CCDC171: variants seen among roughly 807,000 people sequenced by gnomAD.
CCDC171 encodes coiled-coil domain containing 171.
A neutral mutation model predicts 168.2 loss-of-function variants in CCDC171; 177 were observed. The observed-to-expected ratio is 1.05, with a 90% CI of 0.93 to 1.19. The LOEUF is 1.19. Ranked by LOEUF, CCDC171 falls within the 50% of genes most tolerant of loss-of-function variation. The probability of loss-of-function intolerance (pLI) is 0.00; values close to 1 mark genes in which losing one functional copy is unlikely to be tolerated. For missense variants in CCDC171, 1,991 were observed against 1,539.0 expected, an observed-to-expected ratio of 1.29 and a Z score of -4.91; for synonymous variants, 687 against 540.8, an observed-to-expected ratio of 1.27 and a Z score of -3.75.
At chr9:15,629,810 C>T (rs977514133) in intron 7 of CCDC171, among the ~76,000 whole-genome samples, 5 of 152,210 alleles carry the variant, frequency 3.3e-5, no homozygotes, top group African/African-American at 1.2e-4. Flanking sequence ...GGAAGCCCAT[C>T]AGACTAACAG....
chr9:15,866,255 T>C (rs1471603308), intron 23 of CCDC171, among the ~76,000 whole-genome samples: 1 of 151,878 alleles, frequency 6.6e-6, no homozygotes, highest in Non-Finnish European at 1.5e-5. Context: ...ATTTGAGCTC[T>C]AGAGAGCACA....
intron 3 of CCDC171, among the ~76,000 whole-genome samples, chr9:15,999,317 GAAA>G (rs1398386376): frequency 1.4e-5 from 2 of 144,820 alleles, no homozygotes; most frequent in Non-Finnish European, 1.5e-5. Context: ...GAAAAAGAAA[GAAA>G]AGAAAAGAAG....
chr9:15,929,736 G>A (rs1826286805), intron 25 of CCDC171, among the ~76,000 whole-genome samples: 2 of 151,582 alleles, frequency 1.3e-5, no homozygotes, highest in South Asian at 4.2e-4. Flanking sequence ...TGCCTTATTA[G>A]TGCCAGAGTT....
intron 25 of CCDC171, among the ~76,000 whole-genome samples, chr9:15,937,360 A>G (rs1827228484): frequency 1.3e-5 from 2 of 152,106 alleles, no homozygotes; most frequent in African/African-American, 4.8e-5. Flanking sequence ...TAATATAAGT[A>G]AATTTTTTCA....
rs183990981 is a variant in CCDC171, at chr9:15,821,410, G to T, written c.3268-25292G>T. 4.3e-5 allele frequency among the ~76,000 whole-genome samples: 5 copies of T among 117,558 alleles called. 2 individuals carry two copies. Among genetic ancestry groups the T allele is most frequent in the African/African-American group, 1.6e-4 (5 of 31,280 alleles). 77.1% of individuals were successfully genotyped at this position (117,558 alleles called of 152,430 possible). A position where few individuals can be genotyped will look rare whatever the true frequency, so the allele number is the denominator to read the frequency against. On this transcript the variant is annotated intron_variant, in intron 21 of 25. Coordinates refer to ENST00000380701, the MANE Select transcript of CCDC171 (RefSeq NM_173550.4). ...GGACGTCAAATTGTCCCTGTTTGCA[G>T]ATCACATGATTGTATATCTAGAAAA...
intron 16 of CCDC171, among the ~76,000 whole-genome samples, chr9:15,732,509 G>T (rs1014527800): frequency 6.6e-6 from 1 of 152,126 alleles, no homozygotes; most frequent in East Asian, 1.9e-4. Context: ...ATATAGTTTT[G>T]CCCTCTCCAG....
At chr9:16,081,723 A>C in the CCDC171 span, among the ~76,000 whole-genome samples, 1 of 152,124 alleles carries the variant, frequency 6.6e-6, no homozygotes. Flanking sequence ...ACCTTAAAGA[A>C]AATAAGAATC....
At chr9:15,959,898 C>T (rs1162039174) in intron 25 of CCDC171, among the ~76,000 whole-genome samples, 1 of 152,138 alleles carries the variant, frequency 6.6e-6, no homozygotes, top group Non-Finnish European at 1.5e-5. Context: ...TCAGAGTTGT[C>T]ACAGTTTTCA....
intron 6 of CCDC171, among the ~76,000 whole-genome samples, chr9:16,031,978 G>C (rs1833371204): frequency 1.3e-5 from 2 of 152,210 alleles, no homozygotes; most frequent in African/African-American, 4.8e-5. Context: ...AGCACGGCCA[G>C]TGCTGCTCAA....
chr9:15,845,734 C>T (rs1011364548), intron 21 of CCDC171: 10 of 152,020 alleles, frequency 6.6e-5, no homozygotes, highest in African/African-American at 2.4e-4. Flanking sequence ...CACCATCCAA[C>T]AAATTTAATA....
chr9:16,005,730 T>C (rs1832675669), intron 3 of CCDC171, among the ~76,000 whole-genome samples: 1 of 152,176 alleles, frequency 6.6e-6, no homozygotes, highest in Non-Finnish European at 1.5e-5. Context: ...GTAGGTTAAA[T>C]GCAAATACTA....
At chr9:15,742,771 G>T (rs1001411548) in intron 16 of CCDC171, among the ~76,000 whole-genome samples, 3 of 151,958 alleles carry the variant, frequency 2.0e-5, no homozygotes, top group African/African-American at 7.3e-5. Context: ...TCTCTTTTCC[G>T]AGTACATGTG....
intron 1 of CCDC171, among the ~76,000 whole-genome samples, chr9:16,044,786 C>A (rs1484384655): frequency 6.6e-6 from 1 of 152,142 alleles, no homozygotes; most frequent in Non-Finnish European, 1.5e-5. Flanking sequence ...GCCCCATGAA[C>A]TCTGCCTTGG....
intron 25 of CCDC171, among the ~76,000 whole-genome samples, chr9:15,944,356 A>G (rs1192532002): frequency 6.6e-6 from 1 of 152,012 alleles, no homozygotes; most frequent in Non-Finnish European, 1.5e-5. Flanking sequence ...ATGAAACAGA[A>G]GAGGACTTGT....
Position 15,972,354 on chromosome 9 carries a change from G to A in CCDC171, c.*518G>A, listed in dbSNP as rs1430112986. On this transcript the variant is annotated 3_prime_UTR_variant, in exon 26 of 26. Coordinates refer to ENST00000380701, the MANE Select transcript of CCDC171 (RefSeq NM_173550.4). Reference sequence around the variant, plus strand: ...AACTTTAAGCAGGTTGTGCAAAACAGAAATGATGTGACTGCTTCTCCTCCT... The same window carrying A: ...AACTTTAAGCAGGTTGTGCAAAACAAAAATGATGTGACTGCTTCTCCTCCT... 6.4e-6 allele frequency: 1 copy of A among 155,824 alleles called. No homozygotes were observed. The highest frequency in any genetic ancestry group is 1.9e-4 in the East Asian group (1 of 5,306). The allele number at this position is 155,824 out of a possible 1,614,324, so 9.7% of individuals were successfully genotyped here.
chr9:15,582,166 CAT>C (rs1431897122), intron 4 of CCDC171, among the ~76,000 whole-genome samples: 6 of 152,166 alleles, frequency 3.9e-5, no homozygotes, highest in South Asian at 2.1e-4. Flanking sequence ...AACCAACAAA[CAT>C]ATGAAAAAAT....
chr9:15,638,646 T>G (rs2046373022), intron 7 of CCDC171, among the ~76,000 whole-genome samples: 1 of 152,080 alleles, frequency 6.6e-6, no homozygotes, highest in African/African-American at 2.4e-5. Context: ...TTTATGTGCC[T>G]GAGCCAAAGA....
chr9:15,657,587 C>A (rs1159700884), intron 8 of CCDC171, among the ~76,000 whole-genome samples: 1 of 151,996 alleles, frequency 6.6e-6, no homozygotes, highest in Non-Finnish European at 1.5e-5. Flanking sequence ...TTTTTGAGAA[C>A]GTTGAAAAAA....
At chr9:15,639,346 T>G (rs951566339) in intron 7 of CCDC171, among the ~76,000 whole-genome samples, 2 of 152,090 alleles carry the variant, frequency 1.3e-5, no homozygotes, top group Admixed American at 6.5e-5. Flanking sequence ...GATTGGAACT[T>G]CAGTTAAAAA....
Sources: gnomAD v4.1 joint callset for allele counts (sites outside exome capture counted in the v4.1 genomes callset) on GRCh38, gnomAD v4.1.1 for gene constraint, MANE v1.5 for transcripts, NCBI Gene and HGNC (gene_info 2026-07-23, HGNC 2026-07-21) for gene names.